GRAP2: variants seen among roughly 807,000 people sequenced by gnomAD.
GRAP2 encodes the protein GRB2 related adaptor protein 2.
A neutral mutation model predicts 43.5 loss-of-function variants in GRAP2; 31 were observed. The ratio of observed to expected loss-of-function variants is 0.71; its 90% CI spans 0.54 to 0.96. The LOEUF (loss-of-function observed/expected upper bound fraction) is 0.96, where lower values mean the gene tolerates loss of function less well. Among genes scored for constraint, GRAP2 ranks in the 40% least tolerant of loss-of-function variants. The pLI is 0.00. For missense variants in GRAP2, 371 were observed against 424.4 expected (o/e 0.87, Z 1.11); for synonymous variants, 156 against 164.8 (o/e 0.95, Z 0.41).
chr22:39,899,124 C>T (rs1316936569), upstream of GRAP2, among the ~76,000 whole-genome samples: 1 of 152,202 alleles, frequency 6.6e-6, no homozygotes, highest in Non-Finnish European at 1.5e-5. Flanking sequence ...AGTGGCCTTG[C>T]TTCCCTCCCA....
At chr22:39,948,770 A>G (rs72619520) in intron 2 of GRAP2, among the ~76,000 whole-genome samples, 30,614 of 151,942 alleles carry the variant, frequency 0.2, 4,145 homozygotes, top group East Asian at 0.68. Flanking sequence ...TGGGATTGAC[A>G]CTGCTAACTG....
intron 1 of GRAP2, among the ~76,000 whole-genome samples, chr22:39,944,149 A>G (rs2066897539): frequency 6.6e-6 from 1 of 152,192 alleles, no homozygotes; most frequent in Non-Finnish European, 1.5e-5. Flanking sequence ...TATCTGCATC[A>G]TATTTTTTGT....
At chr22:39,896,288 CA>C (rs2066466147), upstream of GRAP2, among the ~76,000 whole-genome samples, 2 of 152,288 alleles carry the variant, frequency 1.3e-5, no homozygotes, top group South Asian at 4.1e-4. Flanking sequence ...TCACTCTCCT[CA>C]CACATATACT....
chr22:39,915,819 A>C (rs2145581677), intron 1 of GRAP2, among the ~76,000 whole-genome samples: 1 of 152,320 alleles, frequency 6.6e-6, no homozygotes, highest in South Asian at 2.1e-4. Flanking sequence ...GATATGTAAA[A>C]ATTCAAGGCT....
intron 1 of GRAP2, among the ~76,000 whole-genome samples, chr22:39,938,468 G>C (rs2066830502): frequency 6.6e-6 from 1 of 152,248 alleles, no homozygotes; most frequent in African/African-American, 2.4e-5. Flanking sequence ...AAATCACAAG[G>C]CAAGGCCATG....
At chr22:39,917,786 G>A (rs1436101644) in intron 1 of GRAP2, among the ~76,000 whole-genome samples, 1 of 152,146 alleles carries the variant, frequency 6.6e-6, no homozygotes, top group Non-Finnish European at 1.5e-5. Context: ...AAAATTAATG[G>A]CATTAGGGGG....
intron 1 of GRAP2, among the ~76,000 whole-genome samples, chr22:39,911,293 C>G (rs73428113): frequency 0.029 from 4,372 of 152,086 alleles, 207 homozygotes; most frequent in African/African-American, 0.1. Context: ...ACGTGATGGT[C>G]AGTATCATTT....
At chr22:39,904,343 G>A (rs149267558) in intron 1 of GRAP2, among the ~76,000 whole-genome samples, 70 of 152,280 alleles carry the variant, frequency 4.6e-4, no homozygotes, top group African/African-American at 1.6e-3. Flanking sequence ...AGCTGAGATC[G>A]TGCCACTGCA....
intron 1 of GRAP2, among the ~76,000 whole-genome samples, chr22:39,919,561 C>T (rs1220539145): frequency 1.3e-5 from 2 of 152,180 alleles, no homozygotes; most frequent in Non-Finnish European, 2.9e-5. Flanking sequence ...TCCATCTATT[C>T]TTCAGAGATG....
In GRAP2 at chr22:39,947,099, G is replaced by A. The variant is rs370667257; in HGVS notation, c.-8G>A. ...CACATTATTTCTCTTCCAGCTTCAC[G>A]TTACAGCATGGAAGCTGTTGCCAAG... On this transcript the variant is annotated 5_prime_UTR_variant, in exon 2 of 8. Coordinates refer to ENST00000344138, the MANE Select transcript of GRAP2 (RefSeq NM_004810.4). 1.2e-5 allele frequency: 19 copies of A among 1,574,062 alleles called. No individual in the cohort carries two copies. The highest frequency in any genetic ancestry group is 4.0e-5 in the African/African-American group (3 of 74,112).
At chr22:39,933,931 G>C (rs1256657523) in intron 1 of GRAP2, among the ~76,000 whole-genome samples, 1 of 152,162 alleles carries the variant, frequency 6.6e-6, no homozygotes, top group Non-Finnish European at 1.5e-5. Context: ...GAATAGGGTG[G>C]AGGAGGAACA....
chr22:39,932,588 T>G (rs148405270), intron 1 of GRAP2, among the ~76,000 whole-genome samples: 4 of 146,224 alleles, frequency 2.7e-5, no homozygotes, highest in Middle Eastern at 3.6e-3. Flanking sequence ...TGTGGTGGCA[T>G]GCACCTGTAG....
intron 1 of GRAP2, among the ~76,000 whole-genome samples, chr22:39,935,751 G>A (rs960253989): frequency 6.6e-6 from 1 of 152,178 alleles, no homozygotes; most frequent in African/African-American, 2.4e-5. Context: ...GGGCTTGGGA[G>A]CGTAAGTAAA....
chr22:39,896,699 A>C (rs1283917342), upstream of GRAP2, among the ~76,000 whole-genome samples: 2 of 152,184 alleles, frequency 1.3e-5, no homozygotes, highest in Non-Finnish European at 2.9e-5. Context: ...TAGGCTTGGC[A>C]AAAGTGTCAA....
In GRAP2 at chr22:39,931,965, G is replaced by T. The variant is rs998049771; in HGVS notation, c.-14-15128G>T. 6.6e-5 allele frequency among the ~76,000 whole-genome samples: 10 copies of T among 152,256 alleles called. No homozygotes were observed. The South Asian group carries it at 1.7e-3, about 25-fold the overall frequency. ...AGGTACAACATTTTGTGGCTCACAG[G>T]ATATATGAGTGAGATTATATACTTC... On this transcript the variant is annotated intron_variant, in intron 1 of 7. Coordinates refer to ENST00000344138, the MANE Select transcript of GRAP2 (RefSeq NM_004810.4).
At chr22:39,910,098 A>G (rs1185722638) in intron 1 of GRAP2, among the ~76,000 whole-genome samples, 2 of 152,234 alleles carry the variant, frequency 1.3e-5, no homozygotes, top group Non-Finnish European at 1.5e-5. Context: ...CACTCCTCCT[A>G]TGAGGCAGTT....
intron 1 of GRAP2, among the ~76,000 whole-genome samples, chr22:39,910,873 A>G (rs1343741893): frequency 6.6e-6 from 1 of 152,172 alleles, no homozygotes; most frequent in African/African-American, 2.4e-5. Flanking sequence ...CCTGCAGGTG[A>G]GTACTTACCT....
At chr22:39,969,890 G>A (rs1305905990) in intron 7 of GRAP2, among the ~76,000 whole-genome samples, 1 of 152,012 alleles carries the variant, frequency 6.6e-6, no homozygotes, top group Non-Finnish European at 1.5e-5. Flanking sequence ...CTCCATCCTG[G>A]GCAACAAGAG....
intron 1 of GRAP2, among the ~76,000 whole-genome samples, chr22:39,934,015 C>T (rs1206767060): frequency 2.0e-5 from 3 of 152,056 alleles, no homozygotes; most frequent in Non-Finnish European, 2.9e-5. Context: ...TCGAGGAAAG[C>T]GGAAAAGCAA....
Sources: allele counts gnomAD v4.1 joint callset (sites outside exome capture counted in the v4.1 genomes callset), GRCh38; gene constraint gnomAD v4.1.1; transcripts MANE v1.5; gene names NCBI Gene and HGNC (gene_info 2026-07-23, HGNC 2026-07-21).